ZDHHC2: variants seen among roughly 807,000 people sequenced by gnomAD.
The protein encoded by ZDHHC2 is palmitoyltransferase ZDHHC2.
A neutral mutation model predicts 55.6 loss-of-function variants in ZDHHC2; 51 were observed. That is an observed-to-expected ratio of 0.92 (90% CI 0.73 to 1.16). The LOEUF is 1.16. ZDHHC2 is among the 50% of genes most tolerant of loss of function. ZDHHC2 has a pLI of 0.00. For synonymous variants in ZDHHC2, 199 were observed against 152.9 expected, an observed-to-expected ratio of 1.30 and a Z score of -2.22; for missense variants, 491 against 442.4, an observed-to-expected ratio of 1.11 and a Z score of -0.99.
chr8:17,178,644 A>C (rs1805273183), intron 1 of ZDHHC2, among the ~76,000 whole-genome samples: 2 of 152,234 alleles, frequency 1.3e-5, no homozygotes, highest in South Asian at 4.1e-4. Flanking sequence ...TGTTTGGACC[A>C]AGGGTTCTAG....
At chr8:17,185,296 T>C (rs1805652772) in intron 2 of ZDHHC2, among the ~76,000 whole-genome samples, 1 of 152,198 alleles carries the variant, frequency 6.6e-6, no homozygotes, top group Admixed American at 6.5e-5. Context: ...AATGATATCT[T>C]ACAGAATTAA....
intron 1 of ZDHHC2, among the ~76,000 whole-genome samples, chr8:17,169,648 C>A (rs757357703): frequency 2.0e-5 from 3 of 152,088 alleles, no homozygotes; most frequent in African/African-American, 7.2e-5. Flanking sequence ...AGCACAGGGA[C>A]TGAACATGAT....
intron 10 of ZDHHC2, among the ~76,000 whole-genome samples, chr8:17,211,910 G>A (rs902720200): frequency 1.3e-5 from 2 of 151,906 alleles, no homozygotes; most frequent in Non-Finnish European, 2.9e-5. Context: ...TTCAGAATAC[G>A]TTTCAAGCTT....
intron 3 of ZDHHC2, among the ~76,000 whole-genome samples, chr8:17,193,565 T>C (rs1375499361): frequency 1.3e-5 from 2 of 152,226 alleles, no homozygotes; most frequent in South Asian, 2.1e-4. Flanking sequence ...TGCTCAAGGC[T>C]GAAGGGCTCT....
intron 3 of ZDHHC2, 150 bp from the exon 4 acceptor site, chr8:17,195,354 G>C: frequency 1.2e-6 from 1 of 850,598 alleles, no homozygotes; most frequent in Admixed American, 2.9e-5. Flanking sequence ...GAGGTGAACA[G>C]ACTTGCCCAC....
chr8:17,173,052 C>G (rs181802484), intron 1 of ZDHHC2, among the ~76,000 whole-genome samples: 29 of 152,286 alleles, frequency 1.9e-4, no homozygotes, highest in Non-Finnish European at 5.9e-5. Context: ...ATTTTAAACC[C>G]TACTTTCTAG....
chr8:17,217,229 A>G lies in ZDHHC2; in HGVS notation c.*17A>G. 1 of 1,606,122 alleles carries G rather than the reference A, an allele frequency of 6.2e-7. No individual in the cohort carries two copies. Among genetic ancestry groups the G allele is most frequent in the South Asian group, 1.1e-5 (1 of 90,104 alleles). On this transcript the variant is annotated 3_prime_UTR_variant, in exon 12 of 13. Coordinates refer to ENST00000262096, the MANE Select transcript of ZDHHC2 (RefSeq NM_016353.5). ...GAGACTTAACTCTTCAAGCAAGATA[A>G]ATTCATACTTTATAAAAGTACGATA...
chr8:17,179,316 A>G (rs1805316661), intron 1 of ZDHHC2, among the ~76,000 whole-genome samples: 1 of 152,196 alleles, frequency 6.6e-6, no homozygotes, highest in African/African-American at 2.4e-5. Context: ...GCGCAGCCAG[A>G]TAATACAACT....
At chr8:17,199,903 C>T (rs867583180) in intron 6 of ZDHHC2, among the ~76,000 whole-genome samples, 6 of 151,760 alleles carry the variant, frequency 4.0e-5, no homozygotes, top group Admixed American at 6.6e-5. Context: ...AGACTACAGG[C>T]GCCTGTAACC....
At chr8:17,173,277 C>T (rs552132564) in intron 1 of ZDHHC2, among the ~76,000 whole-genome samples, 7 of 152,240 alleles carry the variant, frequency 4.6e-5, no homozygotes, top group South Asian at 2.1e-4. Flanking sequence ...ACTTGGATGA[C>T]GTTAGAAGTT....
At chr8:17,157,031 C>G (rs943694761) in intron 1 of ZDHHC2, among the ~76,000 whole-genome samples, 178 bp downstream of exon 1, 5 of 152,092 alleles carry the variant, frequency 3.3e-5, no homozygotes, top group African/African-American at 1.2e-4. Flanking sequence ...TCCACGCGCA[C>G]GCCCCTCGCC....
chr8:17,213,746 A>G (rs1353428284), intron 10 of ZDHHC2, among the ~76,000 whole-genome samples: 1 of 152,218 alleles, frequency 6.6e-6, no homozygotes, highest in East Asian at 1.9e-4. Flanking sequence ...TCCTGTTAGC[A>G]GTAATGAATC....
intron 10 of ZDHHC2, among the ~76,000 whole-genome samples, chr8:17,214,798 G>A (rs906081471): frequency 1.3e-5 from 2 of 152,096 alleles, no homozygotes; most frequent in African/African-American, 2.4e-5. Context: ...AGCTACTCGG[G>A]AGGCTGAAGG....
intron 3 of ZDHHC2, among the ~76,000 whole-genome samples, chr8:17,191,279 T>C (rs1397120971): frequency 2.0e-5 from 3 of 152,282 alleles, no homozygotes; most frequent in South Asian, 4.1e-4. Context: ...GTATTTTTAA[T>C]AGAGATGGGG....
At chr8:17,213,950 C>CTTTG (rs1807512390) in intron 10 of ZDHHC2, among the ~76,000 whole-genome samples, 1 of 151,958 alleles carries the variant, frequency 6.6e-6, no homozygotes, top group Non-Finnish European at 1.5e-5. Flanking sequence ...TAAAGCTGCA[C>CTTTG]AAAATTGAAA....
chr8:17,164,906 A>G (rs1804528106), intron 1 of ZDHHC2, among the ~76,000 whole-genome samples: 1 of 152,198 alleles, frequency 6.6e-6, no homozygotes, highest in Non-Finnish European at 1.5e-5. Flanking sequence ...AAGGGTGAGT[A>G]CATGGAGTAA....
rs147734938 is a variant in ZDHHC2, at chr8:17,184,741, G to C, written c.131-48G>C. The C allele has an allele frequency of 5.3e-6, 8 of 1,504,942 alleles. No individual in the cohort carries two copies. The Admixed American group carries it at 1.4e-4, about 26-fold the overall frequency. 93.2% of individuals were successfully genotyped at this position (1,504,942 alleles called of 1,614,324 possible). A position where few individuals can be genotyped will look rare whatever the true frequency, so the allele number is the denominator to read the frequency against. The stretch of plus-strand genomic sequence containing the variant: ...ATGCCTTATGTCTGTGTCAAGCCCC[G>C]TTTGCCATAAGCTTCATGTAACCTA... On this transcript the variant is annotated intron_variant, in intron 1 of 12. Coordinates refer to ENST00000262096, the MANE Select transcript of ZDHHC2 (RefSeq NM_016353.5).
chr8:17,180,283 C>A (rs528748745), intron 1 of ZDHHC2, among the ~76,000 whole-genome samples: 1 of 152,268 alleles, frequency 6.6e-6, no homozygotes, highest in South Asian at 2.1e-4. Flanking sequence ...GTTTTAACAT[C>A]TCATCATTAC....
chr8:17,179,027 T>G (rs1805297068), intron 1 of ZDHHC2, among the ~76,000 whole-genome samples: 1 of 152,168 alleles, frequency 6.6e-6, no homozygotes, highest in African/African-American at 2.4e-5. Context: ...CACAGCTCAC[T>G]GCAGCCTCGA....
Sources: allele counts gnomAD v4.1 joint callset (sites outside exome capture counted in the v4.1 genomes callset), GRCh38; gene constraint gnomAD v4.1.1; transcripts MANE v1.5; gene names NCBI Gene and HGNC (gene_info 2026-07-23, HGNC 2026-07-21).